Variants in HOOK1 observed in about 807,000 individuals in gnomAD.
HOOK1 encodes hook microtubule tethering protein 1.
In HOOK1, 60 loss-of-function variants were observed where a neutral mutation model predicts 112.8. That is an observed-to-expected ratio of 0.53 (90% CI 0.43 to 0.66). The LOEUF (loss-of-function observed/expected upper bound fraction) is 0.66, where lower values mean the gene tolerates loss of function less well. HOOK1 is among the 30% of genes least tolerant of loss of function. The pLI, the probability that HOOK1 is intolerant of heterozygous loss-of-function variation, is 0.00. For missense variants in HOOK1, 770 were observed against 856.0 expected (o/e 0.90, Z 1.25); for synonymous variants, 294 against 283.8 (o/e 1.04, Z -0.36).
intron 1 of HOOK1, among the ~76,000 whole-genome samples, chr1:59,816,518 G>A (rs1207189661): frequency 6.6e-6 from 1 of 152,226 alleles, no homozygotes; most frequent in African/African-American, 2.4e-5. Context: ...TGACTGAAGT[G>A]TTAAGCTTAG....
At chr1:59,869,016 C>T (rs968347919) in intron 20 of HOOK1, among the ~76,000 whole-genome samples, 6 of 152,174 alleles carry the variant, frequency 3.9e-5, no homozygotes, top group East Asian at 3.9e-4. Flanking sequence ...TAATTGAGCA[C>T]GTTCTGGTTT....
At position 59,854,577 on chromosome 1, in the gene HOOK1, GT is replaced by G. The variant is rs577828290; in HGVS notation, c.1243-3848del. Reference sequence around the variant, plus strand: ...ATGTATTGCTAGATATAAAATTCTTGTTTGACAGTCTTTTTCTTTTAGCATT... The same window carrying G: ...ATGTATTGCTAGATATAAAATTCTTGTTGACAGTCTTTTTCTTTTAGCATT... On this transcript the variant is annotated intron_variant, in intron 12 of 21. Coordinates refer to ENST00000371208, the MANE Select transcript of HOOK1 (RefSeq NM_015888.6). Among the ~76,000 whole-genome samples the G allele has an allele frequency of 2.2e-4, 33 of 151,726 alleles. No homozygotes were observed. The South Asian group carries it at 6.4e-3, about 30-fold the overall frequency.
rs760240411 is a variant in HOOK1 at position 59,847,108 on chromosome 1, A to T, written c.852A>T (p.Glu284Asp). Residue 284 changes from glutamate (E) to aspartate (D), a missense_variant, in exon 10 of 22, where the codon GAA (glutamate) becomes GAT (aspartate). By Grantham distance (45) the Glu-to-Asp change is conservative. Around this residue, in one of 3 missense-constraint regions of HOOK1, gnomAD observed 655 missense variants for 725.9 expected, o/e 0.90. Transcript: ENST00000371208. ...HCEELEKQLI[E>D]FQHRNDELTS... The stretch of plus-strand genomic sequence containing the variant: ...AAGAACTTGAAAAGCAGCTAATCGA[A>T]TTCCAGCATAGGAATGATGAATTGA... 1 of 1,609,026 alleles carries T rather than the reference A, an allele frequency of 6.2e-7. No homozygotes were observed.
rs2098405343 is a variant in HOOK1, at chr1:59,848,402, G to A, written c.1017G>A (p.Gln339=). Residue 339 remains glutamine (Q), a synonymous_variant, in exon 11 of 22, where the codon CAG becomes CAA. Transcript: ENST00000371208. ...AAGATCTGAATGACCTTCGCAAGCAGGTGAAAACTTTACAGGAAACCAACA... is the reference window on the plus strand; with the variant it reads ...AAGATCTGAATGACCTTCGCAAGCAAGTGAAAACTTTACAGGAAACCAACA... ...KLQDLNDLRK[Q]VKTLQETNMM... 1.2e-6 allele frequency: 2 copies of A among 1,611,066 alleles called. No homozygotes were observed. Among genetic ancestry groups the A allele is most frequent in the African/African-American group, 1.3e-5 (1 of 74,722 alleles).
rs527906293 is a variant in HOOK1 at position 59,866,526 on chromosome 1, A to G, written c.1845+554A>G. Among the ~76,000 whole-genome samples, 238 of 152,280 alleles carry G rather than the reference A, an allele frequency of 1.6e-3. 3 individuals are homozygous for G. The highest frequency in any genetic ancestry group is 1.2e-3 in the Non-Finnish European group (79 of 68,014). ...ATGGGGAAGGGGCACTTCTCCATGTAGTCATTCAGAGTCCTAAGCTGACAG... is the reference window on the plus strand; with the variant it reads ...ATGGGGAAGGGGCACTTCTCCATGTGGTCATTCAGAGTCCTAAGCTGACAG... On this transcript the variant is annotated intron_variant, in intron 19 of 21. Coordinates refer to ENST00000371208, the MANE Select transcript of HOOK1 (RefSeq NM_015888.6).
intron 14 of HOOK1, 68 bp from the exon 15 acceptor site, chr1:59,860,120 T>C (rs2098412780): frequency 7.7e-7 from 1 of 1,305,722 alleles, no homozygotes; most frequent in Non-Finnish European, 1.0e-6. Flanking sequence ...GAATTTCCTT[T>C]TTTTAACTAA....
At position 59,840,315 on chromosome 1, in the gene HOOK1, G is replaced by C; in HGVS notation, c.545G>C (p.Arg182Thr). The part of the protein sequence containing the change: ...AVGELEQQLK[R>T]ALEELQEALA... ...GGACATTTTGTATTTCAGCTTAAAA[G>C]AGCCTTGGAAGAACTTCAGGAAGCA... Residue 182 changes from arginine (R) to threonine (T), a missense_variant, in exon 8 of 22, where the codon AGA (arginine) becomes ACA (threonine). Coordinates refer to ENST00000371208, the MANE Select transcript of HOOK1 (RefSeq NM_015888.6). 4 of 1,572,364 alleles carry C rather than the reference G, an allele frequency of 2.5e-6. No individual in the cohort carries two copies. The highest frequency in any genetic ancestry group is 2.6e-6 in the Non-Finnish European group (3 of 1,162,710).
intron 1 of HOOK1, among the ~76,000 whole-genome samples, chr1:59,819,562 C>T (rs936011653): frequency 1.3e-5 from 2 of 152,132 alleles, no homozygotes; most frequent in Non-Finnish European, 2.9e-5. Context: ...TTAAGAACTT[C>T]TCAGAGACAC....
chr1:59,836,787 A>T, intron 6 of HOOK1, 86 bp from the exon 7 acceptor site: 8 of 775,738 alleles, frequency 1.0e-5, no homozygotes, highest in Non-Finnish European at 1.4e-5. Context: ...CTAAATATAA[A>T]TCATTTTACT....
At chr1:59,852,430 T>C (rs892861662) in intron 12 of HOOK1, among the ~76,000 whole-genome samples, 1 of 151,722 alleles carries the variant, frequency 6.6e-6, no homozygotes, top group African/African-American at 2.4e-5. Flanking sequence ...GGCATACAGT[T>C]GTTTATTGTT....
Position 59,875,108 on chromosome 1 carries a change from T to C in HOOK1, c.*2143T>C, listed in dbSNP as rs997092744. ...ACATATTTTAGTCAGCGAAGACATC[T>C]GCCCCTTTGGTGTTTCTACTTGCTT... On this transcript the variant is annotated 3_prime_UTR_variant, in exon 22 of 22. Transcript: ENST00000371208. The C allele has an allele frequency of 3.9e-5, 6 of 152,630 alleles. No individual in the cohort carries two copies. Among genetic ancestry groups the C allele is most frequent in the Admixed American group, 3.3e-4 (5 of 15,282 alleles). 9.5% of individuals were successfully genotyped at this position (152,630 alleles called of 1,614,324 possible).
intron 12 of HOOK1, among the ~76,000 whole-genome samples, chr1:59,854,021 T>G (rs868314929): frequency 2.7e-3 from 70 of 25,554 alleles, no homozygotes; most frequent in African/African-American, 0.011. Flanking sequence ...TATATATATA[T>G]ATATATATAT....
chr1:59,849,109 A>C lies in HOOK1; in HGVS notation c.1168A>C (p.Lys390Gln). 6.2e-7 allele frequency: 1 copy of C among 1,608,704 alleles called. No individual in the cohort carries two copies. The highest frequency in any genetic ancestry group is 8.5e-7 in the Non-Finnish European group (1 of 1,176,570). ...DLHVKLSSES[K>Q]RADTLAFEMK... ...TCATGTTAAACTTTCCTCCGAATCC[A>C]AGAGGGCAGACACACTAGCGTTTGA... The change falls in exon 12 of 22, where the codon AAG becomes CAG. Residue 390 changes from lysine (K) to glutamine (Q), a missense_variant. This residue lies in a region of HOOK1 where 655 missense variants were observed against 725.9 expected (regional missense o/e 0.90). Coordinates refer to ENST00000371208, the MANE Select transcript of HOOK1 (RefSeq NM_015888.6).
In HOOK1 at chr1:59,859,077, AT is replaced by A. The variant is rs199916573; in HGVS notation, c.1391+35del. The A allele has an allele frequency of 1.5e-3, 1,514 of 1,034,974 alleles. 14 individuals are homozygous for A. In the African/African-American group the frequency reaches 0.023, roughly 16 times the overall value. The allele number at this position is 1,034,974 out of a possible 1,614,324, so 64.1% of individuals were successfully genotyped here. Reference sequence around the variant, plus strand: ...TTGTTTCATAATTTGATAGAATTATATTTAATATTATAATTTTTTTGTTTTT... The same window carrying A: ...TTGTTTCATAATTTGATAGAATTATATTAATATTATAATTTTTTTGTTTTT... On this transcript the variant is annotated intron_variant, in intron 14 of 21. Coordinates refer to ENST00000371208, the MANE Select transcript of HOOK1 (RefSeq NM_015888.6).
At chr1:59,855,957 T>TAAAAAAAAAAAAAA (rs1418665294) in intron 12 of HOOK1, among the ~76,000 whole-genome samples, 3 of 104,488 alleles carry the variant, frequency 2.9e-5, no homozygotes, top group African/African-American at 1.3e-4. Flanking sequence ...TATATATATA[T>TAAAAAAAAAAAAAA]ATAAATTATT....
intron 10 of HOOK1, 114 bp downstream of exon 10, chr1:59,847,299 A>G (rs775600538): frequency 3.3e-6 from 3 of 913,882 alleles, no homozygotes; most frequent in Non-Finnish European, 5.0e-6. Context: ...TCAAGTATTG[A>G]TCAGTTTTTA....
At chr1:59,839,997 G>T (rs942834592) in intron 7 of HOOK1, among the ~76,000 whole-genome samples, 1 of 152,116 alleles carries the variant, frequency 6.6e-6, no homozygotes, top group African/African-American at 2.4e-5. Flanking sequence ...TACATTTATT[G>T]ATTTGTGTAT....
intron 1 of HOOK1, among the ~76,000 whole-genome samples, chr1:59,820,762 C>T (rs2098385047): frequency 6.6e-6 from 1 of 152,176 alleles, no homozygotes; most frequent in Non-Finnish European, 1.5e-5. Context: ...TCCTCCTCTC[C>T]TTAACTTTTG....
At chr1:59,836,733 T>G in intron 6 of HOOK1, 140 bp from the exon 7 acceptor site, 1 of 492,160 alleles carries the variant, frequency 2.0e-6, no homozygotes, top group East Asian at 3.1e-5. Context: ...AAAGTTTTTA[T>G]CTGAATAGCG....
Sources: allele counts gnomAD v4.1 joint callset (sites outside exome capture counted in the v4.1 genomes callset), GRCh38; gene constraint gnomAD v4.1.1; regional missense constraint gnomAD v4.1.1; transcripts MANE v1.5; gene names NCBI Gene and HGNC (gene_info 2026-07-23, HGNC 2026-07-21).